Variants in TCTN2 observed in about 807,000 individuals in gnomAD.
The protein encoded by TCTN2 is tectonic family member 2.
TCTN2 carries 66 observed loss-of-function variants against 83.4 expected under a neutral mutation model. That is an observed-to-expected ratio of 0.79 (90% CI 0.65 to 0.97). The LOEUF (loss-of-function observed/expected upper bound fraction) is 0.97. Ranked by LOEUF, TCTN2 falls within the 50% of genes least tolerant of loss-of-function variation. TCTN2 has a pLI of 0.00. For synonymous variants in TCTN2, 301 were observed against 326.7 expected, an observed-to-expected ratio of 0.92 and a Z score of 0.85; for missense variants, 794 against 858.1, an observed-to-expected ratio of 0.93 and a Z score of 0.93.
Position 123,680,266 on chromosome 12 carries a change from C to T in TCTN2, c.564+977C>T, listed in dbSNP as rs149050024. On this transcript the variant is annotated intron_variant, in intron 5 of 17. Coordinates refer to ENST00000303372, the MANE Select transcript of TCTN2 (RefSeq NM_024809.5). ...ACTCTGGAGGCTGAGGCAGGAGAAT[C>T]GCTTGAACTAGGGAGGCAGAGGTTG... Among the ~76,000 whole-genome samples the T allele has an allele frequency of 1.7e-3, 257 of 150,228 alleles. 1 individual carries two copies. Among genetic ancestry groups the T allele is most frequent in the African/African-American group, 5.9e-3 (241 of 41,042 alleles).
chr12:123,694,995 G>A lies in TCTN2; in HGVS notation c.1234+19G>A. On this transcript the variant is annotated intron_variant, in intron 10 of 17. Coordinates refer to ENST00000303372, the MANE Select transcript of TCTN2 (RefSeq NM_024809.5). Reference sequence around the variant, plus strand: ...CAGAAAGGTAACTTTGATGAGGGTAGCAAGCATGCTTTCACTGAAAAGTAT... The same window carrying A: ...CAGAAAGGTAACTTTGATGAGGGTAACAAGCATGCTTTCACTGAAAAGTAT... The A allele has an allele frequency of 6.2e-7, 1 of 1,612,304 alleles. No homozygotes were observed.
At position 123,686,822 on chromosome 12, in the gene TCTN2, T is replaced by C; in HGVS notation, c.565-14T>C. ...ACCACGGTCACAGCTCCTGCCTTTATGTTTGTCTTCCAGGAATGCTCATCA... is the reference window on the plus strand; with the variant it reads ...ACCACGGTCACAGCTCCTGCCTTTACGTTTGTCTTCCAGGAATGCTCATCA... On this transcript the variant is annotated splice_polypyrimidine_tract_variant and intron_variant, in intron 5 of 17. Transcript: ENST00000303372. 1 of 1,614,168 alleles carries C rather than the reference T, an allele frequency of 6.2e-7. No individual in the cohort carries two copies. The highest frequency in any genetic ancestry group is 8.5e-7 in the Non-Finnish European group (1 of 1,179,980).
Position 123,671,275 on chromosome 12 carries a change from G to A in TCTN2, c.35G>A (p.Arg12Lys). 2 of 1,613,830 alleles carry A rather than the reference G, an allele frequency of 1.2e-6. No homozygotes were observed. Among genetic ancestry groups the A allele is most frequent in the Non-Finnish European group, 1.7e-6 (2 of 1,179,994 alleles). ...CAGCCTCCGGCCGCTCTTCTTTTGA[G>A]GCTTTTCCTTCTGCAGGGCATCCTG... ...GFQPPAALLL[R>K]LFLLQGILRL... is the part of the protein sequence containing the mutation. The change falls in exon 1 of 18, where the codon AGG becomes AAG. Residue 12 changes from arginine to lysine, a missense_variant. Arg to Lys is a conservative substitution (Grantham distance 26). Transcript: ENST00000303372.
intron 9 of TCTN2, 72 bp downstream of exon 9, chr12:123,692,795 C>A: frequency 8.5e-7 from 1 of 1,174,914 alleles, no homozygotes; most frequent in Non-Finnish European, 1.3e-6. Flanking sequence ...AATATATACC[C>A]TCAGAGTGTA....
chr12:123,704,507 A>C (rs2135859233), intron 14 of TCTN2, 25 bp from the exon 15 acceptor site: 1 of 1,591,690 alleles, frequency 6.3e-7, no homozygotes, highest in East Asian at 2.3e-5. Context: ...TTCTTTGAAA[A>C]GTGTATAACT....
chr12:123,684,411 T>A (rs1194101664), intron 5 of TCTN2, among the ~76,000 whole-genome samples: 2 of 151,536 alleles, frequency 1.3e-5, no homozygotes, highest in African/African-American at 4.8e-5. Context: ...TTTTTTTTTT[T>A]TTTTTTTAAG....
At chr12:123,687,657 A>C (rs1306736488) in intron 6 of TCTN2, among the ~76,000 whole-genome samples, 2 of 128,054 alleles carry the variant, frequency 1.6e-5, no homozygotes, top group Non-Finnish European at 3.5e-5. Context: ...GGCCCAAAAC[A>C]AACAAAACAA....
At chr12:123,703,304 C>T (rs1375852463) in intron 14 of TCTN2, among the ~76,000 whole-genome samples, 1 of 151,922 alleles carries the variant, frequency 6.6e-6, no homozygotes, top group Non-Finnish European at 1.5e-5. Context: ...GCCTCAGCCT[C>T]CCAAGTAGCT....
At chr12:123,682,644 G>A (rs1250995338) in intron 5 of TCTN2, among the ~76,000 whole-genome samples, 1 of 151,770 alleles carries the variant, frequency 6.6e-6, no homozygotes, top group Non-Finnish European at 1.5e-5. Context: ...ACCACGCCTG[G>A]CTAATTTTTA....
chr12:123,696,807 A>G (rs189694380), intron 12 of TCTN2: 11 of 529,168 alleles, frequency 2.1e-5, no homozygotes, highest in African/African-American at 1.9e-4. Flanking sequence ...ACATGAAAAT[A>G]ACTTCGTTCT....
chr12:123,671,398 C>T (rs969081884), intron 1 of TCTN2, 76 bp downstream of exon 1: 2 of 1,593,566 alleles, frequency 1.3e-6, no homozygotes, highest in African/African-American at 1.3e-5. Flanking sequence ...GACTTGGACT[C>T]CCCCGGGAGC....
chr12:123,689,620 G>T (rs1234779332), intron 7 of TCTN2, among the ~76,000 whole-genome samples: 2 of 152,096 alleles, frequency 1.3e-5, no homozygotes, highest in Non-Finnish European at 2.9e-5. Context: ...CAGGTACTAA[G>T]CCAAGTACCC....
chr12:123,699,641 T>G, intron 13 of TCTN2, 63 bp from the exon 14 acceptor site: 1 of 1,345,200 alleles, frequency 7.4e-7, no homozygotes, highest in Non-Finnish European at 1.1e-6. Context: ...GGACATTCAC[T>G]GGAAATGACT....
At chr12:123,705,395 T>C (rs1956217415) in intron 15 of TCTN2, among the ~76,000 whole-genome samples, 1 of 152,136 alleles carries the variant, frequency 6.6e-6, no homozygotes, top group Non-Finnish European at 1.5e-5. Context: ...TCTCCTGACC[T>C]CATGATCCGC....
chr12:123,694,247 C>T (rs577657168), intron 9 of TCTN2, among the ~76,000 whole-genome samples: 42 of 152,258 alleles, frequency 2.8e-4, no homozygotes, highest in South Asian at 1.4e-3. Context: ...CCTGCCTCAG[C>T]CTCCCAAAGT....
At chr12:123,690,744 A>G (rs1956031876) in intron 8 of TCTN2, 70 bp downstream of exon 8, 25 of 1,577,472 alleles carry the variant, frequency 1.6e-5, no homozygotes, top group East Asian at 2.2e-5. Flanking sequence ...TCATGAGAGT[A>G]TAAATCATTT....
intron 3 of TCTN2, 65 bp downstream of exon 3, chr12:123,672,197 G>T (rs1955762845): frequency 3.7e-6 from 5 of 1,358,148 alleles, no homozygotes; most frequent in Non-Finnish European, 5.3e-6. Context: ...TTTCTGCAGT[G>T]CTCTCTTTAT....
chr12:123,699,571 C>G, intron 13 of TCTN2, 133 bp from the exon 14 acceptor site: 1 of 761,704 alleles, frequency 1.3e-6, no homozygotes, highest in Non-Finnish European at 2.3e-6. Context: ...TGACACCCAG[C>G]CAGTTTTTAA....
intron 12 of TCTN2, 67 bp downstream of exon 12, chr12:123,696,562 G>T (rs1956112270): frequency 1.5e-6 from 2 of 1,378,220 alleles, no homozygotes; most frequent in South Asian, 1.2e-5. Flanking sequence ...ACCATATTTT[G>T]AATCTAATCA....
Sources: allele counts gnomAD v4.1 joint callset (sites outside exome capture counted in the v4.1 genomes callset), GRCh38; gene constraint gnomAD v4.1.1; transcripts MANE v1.5; gene names NCBI Gene and HGNC (gene_info 2026-07-23, HGNC 2026-07-21).